NCAM2: variants seen among roughly 807,000 people sequenced by gnomAD.
NCAM2 encodes neural cell adhesion molecule 2.
In NCAM2, 30 loss-of-function variants were observed where a neutral mutation model predicts 98.1. That is an observed-to-expected ratio of 0.31 (90% CI 0.23 to 0.41). NCAM2 has a LOEUF of 0.41. Ranked by LOEUF, NCAM2 falls within the 10% of genes least tolerant of loss-of-function variation. NCAM2 has a pLI of 1.00. For missense variants in NCAM2, 867 were observed against 1,005.8 expected, an observed-to-expected ratio of 0.86 and a Z score of 1.87; for synonymous variants, 368 against 342.4, an observed-to-expected ratio of 1.07 and a Z score of -0.83.
intron 1 of NCAM2, among the ~76,000 whole-genome samples, chr21:21,098,109 A>C (rs562165302): frequency 6.7e-6 from 1 of 150,174 alleles, no homozygotes; most frequent in East Asian, 2.0e-4. Context: ...ATATATATGG[A>C]ATTTAGTTTT....
intron 8 of NCAM2, among the ~76,000 whole-genome samples, chr21:21,372,066 G>A (rs1339057915): frequency 1.3e-5 from 2 of 151,644 alleles, no homozygotes; most frequent in South Asian, 4.1e-4. Context: ...TTCTAAATTT[G>A]ACAATAAACG....
At chr21:21,158,502 T>C (rs1039464222) in intron 1 of NCAM2, among the ~76,000 whole-genome samples, 1 of 151,958 alleles carries the variant, frequency 6.6e-6, no homozygotes, top group Non-Finnish European at 1.5e-5. Flanking sequence ...TCCCAGCTAC[T>C]TGGGAGGCAG....
At chr21:21,286,182 T>C in intron 3 of NCAM2, 87 bp from the exon 4 acceptor site, 1 of 1,351,538 alleles carries the variant, frequency 7.4e-7, no homozygotes, top group Non-Finnish European at 1.0e-6. Flanking sequence ...ATAGTATCAA[T>C]AGAGTCTGGA....
At chr21:21,449,207 T>C (rs1980646603) in intron 12 of NCAM2, among the ~76,000 whole-genome samples, 1 of 151,998 alleles carries the variant, frequency 6.6e-6, no homozygotes, top group Non-Finnish European at 1.5e-5. Context: ...TTTCTGTGCA[T>C]GCATAATTTT....
chr21:21,014,391 T>G (rs1484619854), intron 1 of NCAM2, among the ~76,000 whole-genome samples: 3 of 147,568 alleles, frequency 2.0e-5, no homozygotes, highest in Non-Finnish European at 4.4e-5. Context: ...GCTATTGCAC[T>G]CCAGCCTGGG....
chr21:21,142,886 G>T (rs2067199271), intron 1 of NCAM2, among the ~76,000 whole-genome samples: 1 of 152,042 alleles, frequency 6.6e-6, no homozygotes, highest in Non-Finnish European at 1.5e-5. Flanking sequence ...ATTTTTGTAG[G>T]TGTAGCGTAT....
At chr21:21,388,748 T>C (rs537104596) in intron 9 of NCAM2, among the ~76,000 whole-genome samples, 39 of 152,326 alleles carry the variant, frequency 2.6e-4, no homozygotes, top group African/African-American at 8.9e-4. Flanking sequence ...TGAATCTGTT[T>C]ATTCGGTTGT....
At chr21:21,415,113 C>T (rs1380881634) in intron 10 of NCAM2, among the ~76,000 whole-genome samples, 2 of 151,632 alleles carry the variant, frequency 1.3e-5, no homozygotes, top group South Asian at 2.1e-4. Flanking sequence ...ATTTTCATAA[C>T]GATAAATGAA....
intron 11 of NCAM2, among the ~76,000 whole-genome samples, chr21:21,425,068 AT>A (rs963239278): frequency 4.7e-5 from 7 of 149,090 alleles, no homozygotes; most frequent in African/African-American, 1.7e-4. Context: ...AAAAAAAAAA[AT>A]TCATCATGTT....
At chr21:21,035,181 A>G (rs1423568002) in intron 1 of NCAM2, among the ~76,000 whole-genome samples, 1 of 152,228 alleles carries the variant, frequency 6.6e-6, no homozygotes, top group African/African-American at 2.4e-5. Context: ...TATTGGCTCC[A>G]TAAATCAACC....
chr21:21,146,525 G>C (rs1465319666), intron 1 of NCAM2, among the ~76,000 whole-genome samples: 1 of 140,654 alleles, frequency 7.1e-6, no homozygotes, highest in Non-Finnish European at 1.5e-5. Context: ...GTGTATATGT[G>C]ATTATATAAA....
At chr21:21,010,806 A>G (rs2064195631) in intron 1 of NCAM2, among the ~76,000 whole-genome samples, 1 of 152,096 alleles carries the variant, frequency 6.6e-6, no homozygotes, top group Non-Finnish European at 1.5e-5. Context: ...GTAAAGTGTC[A>G]TTACTAATTA....
intron 1 of NCAM2, among the ~76,000 whole-genome samples, chr21:21,144,504 A>G (rs1182366553): frequency 6.6e-6 from 1 of 152,120 alleles, no homozygotes; most frequent in Non-Finnish European, 1.5e-5. Context: ...ATTCAGATAC[A>G]TGGAGAGACA....
chr21:21,474,507 T>A (rs921035116), intron 14 of NCAM2, among the ~76,000 whole-genome samples: 2 of 152,144 alleles, frequency 1.3e-5, no homozygotes, highest in African/African-American at 4.8e-5. Flanking sequence ...GAATACTTTT[T>A]TTTTTTCTGG....
At chr21:21,479,608 A>AAAAAAAAAAAAAAAAAAG (rs1491473437) in intron 15 of NCAM2, among the ~76,000 whole-genome samples, 1 of 127,916 alleles carries the variant, frequency 7.8e-6, no homozygotes, top group Non-Finnish European at 1.8e-5. Context: ...AAAAAAAAAA[A>AAAAAAAAAAAAAAAAAAG]TTGTTGATGA....
intron 1 of NCAM2, among the ~76,000 whole-genome samples, chr21:21,084,031 T>A (rs1296572589): frequency 6.6e-6 from 1 of 152,126 alleles, no homozygotes; most frequent in East Asian, 1.9e-4. Flanking sequence ...TTTCTTACAG[T>A]TCTGGAGGCT....
chr21:21,495,408 G>A (rs909589739), intron 15 of NCAM2, among the ~76,000 whole-genome samples: 1 of 151,928 alleles, frequency 6.6e-6, no homozygotes, highest in Non-Finnish European at 1.5e-5. Flanking sequence ...GAGAAGGAGA[G>A]AGGGAAGACT....
chr21:21,157,913 C>T (rs2067664178), intron 1 of NCAM2, among the ~76,000 whole-genome samples: 1 of 152,132 alleles, frequency 6.6e-6, no homozygotes, highest in African/African-American at 2.4e-5. Context: ...TTATGCTTCT[C>T]ATTCCTCCTA....
At chr21:21,319,910 T>G (rs1287038837) in intron 5 of NCAM2, among the ~76,000 whole-genome samples, 2 of 152,196 alleles carry the variant, frequency 1.3e-5, no homozygotes, top group African/African-American at 4.8e-5. Context: ...ATTAAACTGC[T>G]GATTCCTCTT....
Sources: allele counts gnomAD v4.1 joint callset (sites outside exome capture counted in the v4.1 genomes callset), GRCh38; gene constraint gnomAD v4.1.1; transcripts MANE v1.5; gene names NCBI Gene and HGNC (gene_info 2026-07-23, HGNC 2026-07-21).